COL5A2: variants seen among roughly 807,000 people sequenced by gnomAD.
COL5A2 encodes collagen type V alpha 2 chain.
COL5A2 carries 23 observed loss-of-function variants against 208.2 expected under a neutral mutation model. The observed-to-expected ratio is 0.11, with a 90% CI of 0.08 to 0.16. The LOEUF (loss-of-function observed/expected upper bound fraction) is 0.16. Among genes scored for constraint, COL5A2 ranks in the 10% least tolerant of loss-of-function variants. The probability of loss-of-function intolerance (pLI) is 1.00; values close to 1 mark genes in which losing one functional copy is unlikely to be tolerated. For missense variants in COL5A2, 1,590 were observed against 1,956.4 expected (o/e 0.81, Z 3.53); for synonymous variants, 625 against 628.5 (o/e 0.99, Z 0.08).
chr2:189,423,708 T>C, the COL5A2 span, among the ~76,000 whole-genome samples: 290 of 152,220 alleles, frequency 1.9e-3, 1 homozygote, highest in Non-Finnish European at 3.2e-3. Flanking sequence ...AGAAAAGTGA[T>C]TGAATTTGTA....
intron 41 of COL5A2, 32 bp from the exon 42 acceptor site, chr2:189,051,513 G>A (rs769045051): frequency 5.7e-6 from 9 of 1,580,860 alleles, no homozygotes; most frequent in Non-Finnish European, 6.9e-6. Context: ...CACCAAGGAG[G>A]GCAAAATGGA....
At chr2:189,115,432 C>T (rs913113679) in intron 1 of COL5A2, among the ~76,000 whole-genome samples, 12 of 149,208 alleles carry the variant, frequency 8.0e-5, no homozygotes, top group Non-Finnish European at 1.3e-4. Context: ...TGCATAGAAA[C>T]GGCCATATTG....
the COL5A2 span, among the ~76,000 whole-genome samples, chr2:189,255,307 A>G: frequency 0.14 from 21,582 of 152,294 alleles, 1,949 homozygotes; most frequent in South Asian, 0.2. Context: ...TTATTAAAAC[A>G]GTAACATTTG....
intron 32 of COL5A2, 104 bp downstream of exon 32, chr2:189,058,745 G>A (rs1005940052): frequency 8.9e-7 from 1 of 1,124,422 alleles, no homozygotes; most frequent in Admixed American, 2.2e-5. Context: ...TCCAGTCAAA[G>A]AATTTATAGG....
chr2:189,337,678 T>C, the COL5A2 span, among the ~76,000 whole-genome samples: 5 of 152,124 alleles, frequency 3.3e-5, no homozygotes, highest in Admixed American at 2.0e-4. Flanking sequence ...AATCTTGCAA[T>C]ATTATGCAAC....
At chr2:189,312,291 G>A in the COL5A2 span, among the ~76,000 whole-genome samples, 1 of 152,078 alleles carries the variant, frequency 6.6e-6, no homozygotes, top group African/African-American at 2.4e-5. Context: ...GCTTTGCATG[G>A]TATCCTTCTC....
the COL5A2 span, among the ~76,000 whole-genome samples, chr2:189,412,711 G>T: frequency 6.6e-6 from 1 of 152,146 alleles, no homozygotes. Context: ...CCAATGAATT[G>T]CCAATCAATT....
chr2:189,325,958 A>T, the COL5A2 span, among the ~76,000 whole-genome samples: 1 of 151,984 alleles, frequency 6.6e-6, no homozygotes, highest in Non-Finnish European at 1.5e-5. Flanking sequence ...TTAGTCCGGC[A>T]TAGTGGCACA....
At chr2:189,225,333 C>T (rs1179137597), upstream of COL5A2, among the ~76,000 whole-genome samples, 1 of 152,108 alleles carries the variant, frequency 6.6e-6, no homozygotes, top group Non-Finnish European at 1.5e-5. Context: ...GAGTTAGTTC[C>T]TAATGAGGTA....
the COL5A2 span, among the ~76,000 whole-genome samples, chr2:189,332,924 TC>T: frequency 5.9e-5 from 9 of 152,012 alleles, no homozygotes; most frequent in Non-Finnish European, 1.3e-4. Flanking sequence ...AATGTAAAAA[TC>T]CTCAAATATT....
the COL5A2 span, among the ~76,000 whole-genome samples, chr2:189,433,503 A>G: frequency 6.6e-6 from 1 of 152,230 alleles, no homozygotes; most frequent in African/African-American, 2.4e-5. Flanking sequence ...AGGGGATGTC[A>G]CCACCAATCC....
At chr2:189,354,864 G>T in the COL5A2 span, among the ~76,000 whole-genome samples, 1 of 152,076 alleles carries the variant, frequency 6.6e-6, no homozygotes, top group African/African-American at 2.4e-5. Context: ...TCTTTTAATT[G>T]TGATGTTAGG....
At chr2:189,379,075 C>T in the COL5A2 span, among the ~76,000 whole-genome samples, 1 of 151,962 alleles carries the variant, frequency 6.6e-6, no homozygotes, top group Non-Finnish European at 1.5e-5. Context: ...GCTATGAACC[C>T]TTCTAAGAAT....
intron 8 of COL5A2, among the ~76,000 whole-genome samples, chr2:189,087,189 G>A (rs2105654117): frequency 6.6e-6 from 1 of 152,170 alleles, no homozygotes; most frequent in East Asian, 1.9e-4. Context: ...TTGAATTAAA[G>A]GTTTATGAAA....
At chr2:189,311,032 T>C in the COL5A2 span, among the ~76,000 whole-genome samples, 7 of 152,052 alleles carry the variant, frequency 4.6e-5, no homozygotes, top group African/African-American at 1.2e-4. Context: ...TCTTATCCTG[T>C]AAAGCACCAT....
intron 8 of COL5A2, among the ~76,000 whole-genome samples, chr2:189,087,676 C>T (rs1481041256): frequency 1.6e-4 from 24 of 149,502 alleles, no homozygotes; most frequent in African/African-American, 5.7e-4. Flanking sequence ...ATCGTGTTAG[C>T]CAGAATGGTC....
the COL5A2 span, among the ~76,000 whole-genome samples, chr2:189,267,301 A>G: frequency 6.6e-6 from 1 of 152,142 alleles, no homozygotes; most frequent in Non-Finnish European, 1.5e-5. Flanking sequence ...TTTTCCAAAA[A>G]TTCTTAGACT....
intron 1 of COL5A2, among the ~76,000 whole-genome samples, chr2:189,175,454 A>G (rs977089081): frequency 2.0e-5 from 3 of 152,132 alleles, no homozygotes; most frequent in Admixed American, 2.0e-4. Context: ...AGAGGTAGAA[A>G]AAACCTCAGT....
At chr2:189,182,496 C>T (rs758841762), upstream of COL5A2, among the ~76,000 whole-genome samples, 17 of 152,132 alleles carry the variant, frequency 1.1e-4, no homozygotes, top group Non-Finnish European at 2.1e-4. Context: ...TTTAGACCTA[C>T]TTGACACTCA....
Sources: allele counts gnomAD v4.1 joint callset (sites outside exome capture counted in the v4.1 genomes callset), GRCh38; gene constraint gnomAD v4.1.1; transcripts MANE v1.5; gene names NCBI Gene and HGNC (gene_info 2026-07-23, HGNC 2026-07-21).